Variants in L3MBTL4 observed in about 807,000 individuals in gnomAD.
L3MBTL4 encodes L3MBTL histone methyl-lysine binding protein 4, also known as lethal(3)malignant brain tumor-like protein 4.
Under a neutral mutation model 84.5 loss-of-function variants are expected in L3MBTL4, and 70 were observed. The observed-to-expected ratio is 0.83, with a 90% confidence interval of 0.68 to 1.01. The LOEUF (loss-of-function observed/expected upper bound fraction) is 1.01, where lower values mean the gene tolerates loss of function less well. L3MBTL4 is among the 50% of genes least tolerant of loss of function. The pLI is 0.00. For synonymous variants in L3MBTL4, 274 were observed against 259.8 expected, an observed-to-expected ratio of 1.05 and a Z score of -0.52; for missense variants, 715 against 754.8, an observed-to-expected ratio of 0.95 and a Z score of 0.62.
intron 5 of L3MBTL4, among the ~76,000 whole-genome samples, chr18:6,250,383 G>C (rs1442254228): frequency 6.6e-6 from 1 of 152,136 alleles, no homozygotes. Context: ...TTATATGTGT[G>C]TGCCATCCAC....
chr18:6,213,325 T>C, intron 11 of L3MBTL4, 66 bp from the exon 12 acceptor site: 1 of 830,872 alleles, frequency 1.2e-6, no homozygotes, highest in Non-Finnish European at 1.9e-6. Context: ...CCTACTAATT[T>C]TTTCTAAAAT....
At chr18:6,204,713 C>A (rs988351774) in intron 12 of L3MBTL4, among the ~76,000 whole-genome samples, 1 of 152,324 alleles carries the variant, frequency 6.6e-6, no homozygotes, top group East Asian at 1.9e-4. Context: ...CCCTCAGCAT[C>A]TTTGAGCACA....
intron 13 of L3MBTL4, among the ~76,000 whole-genome samples, chr18:6,149,451 T>G (rs561846515): frequency 1.3e-5 from 2 of 151,996 alleles, no homozygotes; most frequent in South Asian, 4.2e-4. Flanking sequence ...TCTATCATTG[T>G]TGGACATTTG....
At chr18:6,254,411 C>T (rs992582061) in intron 5 of L3MBTL4, among the ~76,000 whole-genome samples, 9 of 142,446 alleles carry the variant, frequency 6.3e-5, no homozygotes, top group Non-Finnish European at 1.1e-4. Flanking sequence ...CAAAGTGACA[C>T]CTTTTTTTTT....
chr18:6,319,296 A>T (rs71360029), intron 1 of L3MBTL4, among the ~76,000 whole-genome samples: 1 of 152,062 alleles, frequency 6.6e-6, no homozygotes, highest in Admixed American at 6.6e-5. Context: ...AATAGAAACA[A>T]CAACAACAAC....
chr18:5,984,235 A>G (rs534561284), intron 16 of L3MBTL4, among the ~76,000 whole-genome samples: 44 of 152,352 alleles, frequency 2.9e-4, no homozygotes, highest in Middle Eastern at 3.4e-3. Flanking sequence ...TTTAAAGGCC[A>G]TGTAAATTTA....
intron 16 of L3MBTL4, among the ~76,000 whole-genome samples, chr18:5,985,757 C>A (rs1326494485): frequency 6.6e-6 from 1 of 152,098 alleles, no homozygotes; most frequent in Non-Finnish European, 1.5e-5. Context: ...GGTGTGATGT[C>A]CATGGGGTGG....
chr18:6,164,080 T>C (rs1454481994), intron 13 of L3MBTL4, among the ~76,000 whole-genome samples: 3 of 152,206 alleles, frequency 2.0e-5, no homozygotes, highest in Admixed American at 2.0e-4. Flanking sequence ...GCCTCGCTCA[T>C]TGCTAGCACA....
intron 12 of L3MBTL4, among the ~76,000 whole-genome samples, chr18:6,193,550 C>CA (rs1259931159): frequency 5.3e-5 from 8 of 152,200 alleles, no homozygotes; most frequent in Non-Finnish European, 7.3e-5. Flanking sequence ...AAAGAGGGTC[C>CA]AGAGGCACAA....
At chr18:6,091,688 A>G (rs2058463386) in intron 15 of L3MBTL4, among the ~76,000 whole-genome samples, 1 of 152,230 alleles carries the variant, frequency 6.6e-6, no homozygotes, top group South Asian at 2.1e-4. Flanking sequence ...TGTGTTTGCT[A>G]GAAAGAAAAG....
chr18:6,030,450 C>T (rs1182457912), intron 16 of L3MBTL4: 1 of 982,118 alleles, frequency 1.0e-6, no homozygotes, highest in South Asian at 4.7e-5. Context: ...TATTAATTTG[C>T]ATTGCTTTAC....
At chr18:6,124,936 AAC>A (rs2059640399) in intron 14 of L3MBTL4, among the ~76,000 whole-genome samples, 1 of 152,054 alleles carries the variant, frequency 6.6e-6, no homozygotes, top group Non-Finnish European at 1.5e-5. Context: ...AAATCTAATT[AAC>A]ACAATAGATA....
chr18:6,233,524 T>A (rs1248919829), intron 10 of L3MBTL4, among the ~76,000 whole-genome samples: 1 of 146,586 alleles, frequency 6.8e-6, no homozygotes, highest in Non-Finnish European at 1.5e-5. Context: ...TATACACCAA[T>A]AACAGACAGA....
chr18:6,331,657 G>A (rs1022181111), intron 1 of L3MBTL4, among the ~76,000 whole-genome samples: 2 of 152,052 alleles, frequency 1.3e-5, no homozygotes, highest in African/African-American at 2.4e-5. Context: ...GAGGAAATAC[G>A]TGACAAAACA....
intron 17 of L3MBTL4, among the ~76,000 whole-genome samples, chr18:5,965,945 T>C (rs2144739759): frequency 6.6e-6 from 1 of 152,312 alleles, no homozygotes; most frequent in South Asian, 2.1e-4. Context: ...GCACTTAGAC[T>C]TTCCCATGGC....
chr18:6,333,718 T>TCTCTC (rs111763829), intron 1 of L3MBTL4, among the ~76,000 whole-genome samples: 41,678 of 151,818 alleles, frequency 0.27, 7,474 homozygotes, highest in African/African-American at 0.52. Context: ...CACAAACAAA[T>TCTCTC]CAGCAAATCA....
chr18:6,316,648 G>T lies in L3MBTL4; in HGVS notation c.-90-4592C>A, dbSNP rs558993312. Among the ~76,000 whole-genome samples, 5 of 152,264 alleles carry T rather than the reference G, an allele frequency of 3.3e-5. No individual in the cohort carries two copies. The South Asian group carries it at 8.3e-4, about 25-fold the overall frequency. On this transcript the variant is annotated intron_variant, in intron 1 of 18. Coordinates refer to ENST00000317931, the MANE Select transcript of L3MBTL4 (RefSeq NM_001330559.2). ...CCAGATTCAGGCTTACACAAGAGGT[G>T]GTCACAACTCCTCTCTACTTGGAAC...
At chr18:6,398,188 G>A (rs1179885197) in intron 1 of L3MBTL4, among the ~76,000 whole-genome samples, 1 of 152,166 alleles carries the variant, frequency 6.6e-6, no homozygotes, top group Non-Finnish European at 1.5e-5. Context: ...AAAACAAAAA[G>A]AAAAAGTTGG....
chr18:6,332,769 T>TCAGTATTA (rs2052107953), intron 1 of L3MBTL4, among the ~76,000 whole-genome samples: 1 of 152,244 alleles, frequency 6.6e-6, no homozygotes, highest in Non-Finnish European at 1.5e-5. Flanking sequence ...CCAGTACTGC[T>TCAGTATTA]GCTCAGTTTT....
Sources: gnomAD v4.1 joint callset for allele counts (sites outside exome capture counted in the v4.1 genomes callset) on GRCh38, gnomAD v4.1.1 for gene constraint, MANE v1.5 for transcripts, NCBI Gene and HGNC (gene_info 2026-07-23, HGNC 2026-07-21) for gene names.